Variants in MEG3 observed in about 807,000 individuals in gnomAD.
MEG3 encodes Very putative protein from MEG3 locus.
At chr14:100,844,793 C>T (rs771433145) in intron 2 of MEG3, among the ~76,000 whole-genome samples, 1 of 152,144 alleles carries the variant, frequency 6.6e-6, no homozygotes, top group Non-Finnish European at 1.5e-5. Context: ...GCCCAGCCTG[C>T]TGCCCGATTT....
At position 100,834,332 on chromosome 14, in the gene MEG3, T is replaced by C. The variant is rs1442652799; in HGVS notation, n.1364T>C. 4.6e-5 allele frequency: 11 copies of C among 239,716 alleles called. No individual in the cohort carries two copies. The East Asian group carries it at 1.2e-3, about 27-fold the overall frequency. 14.8% of individuals were successfully genotyped at this position (239,716 alleles called of 1,614,324 possible). On this transcript the variant is annotated non_coding_transcript_exon_variant, in exon 1 of 4. Coordinates refer to the MEG3 transcript ENST00000398461. ...ACTGTTAGTGCTGCAGTAGCTCCTG[T>C]GGACATTGGAAAGCCCGGAGAGGGC...
intron 2 of MEG3, among the ~76,000 whole-genome samples, chr14:100,839,177 G>A (rs1395650152): frequency 6.6e-6 from 1 of 152,196 alleles, no homozygotes; most frequent in South Asian, 2.1e-4. Flanking sequence ...AGAAGGGGGT[G>A]TGGAGGGAGA....
intron 2 of MEG3, among the ~76,000 whole-genome samples, chr14:100,844,274 C>T (rs1182185481): frequency 1.3e-5 from 2 of 152,068 alleles, no homozygotes; most frequent in Non-Finnish European, 2.9e-5. Flanking sequence ...ATCCAGGAAA[C>T]GGTCCCCAGA....
chr14:100,842,959 GAC>G (rs559684919), intron 2 of MEG3, among the ~76,000 whole-genome samples: 116 of 152,308 alleles, frequency 7.6e-4, no homozygotes, highest in South Asian at 6.0e-3. Flanking sequence ...TCCAGACAGT[GAC>G]TCATCTCTGC....
intron 2 of MEG3, among the ~76,000 whole-genome samples, chr14:100,840,393 G>T (rs946084140): frequency 6.6e-6 from 1 of 151,822 alleles, no homozygotes; most frequent in Admixed American, 6.5e-5. Context: ...AGAGGAATGT[G>T]GGGGAGCCCC....
intron 3 of MEG3, chr14:100,850,253 G>T (rs905549494): frequency 6.6e-6 from 1 of 152,198 alleles, no homozygotes; most frequent in Admixed American, 6.5e-5. Flanking sequence ...TGGTGACCGG[G>T]AGCCCTGATT....
chr14:100,850,555 C>A (rs1166061821), intron 3 of MEG3: 2 of 150,702 alleles, frequency 1.3e-5, no homozygotes, highest in Non-Finnish European at 2.9e-5. Flanking sequence ...GCCAAGATTG[C>A]ACCACTGCAC....
At chr14:100,851,181 C>G (rs2139995688) in intron 3 of MEG3, 1 of 152,440 alleles carries the variant, frequency 6.6e-6, no homozygotes. Context: ...TTGATGGTAC[C>G]CCATCTATGG....
At chr14:100,844,377 T>C (rs1489522466) in intron 2 of MEG3, among the ~76,000 whole-genome samples, 1 of 152,206 alleles carries the variant, frequency 6.6e-6, no homozygotes, top group Non-Finnish European at 1.5e-5. Flanking sequence ...GGACCTCAGC[T>C]GTCACAGGCT....
At position 100,835,368 on chromosome 14, in the gene MEG3, A is replaced by G. The variant is rs551981377; in HGVS notation, n.2400A>G. 148 of 154,018 alleles carry G rather than the reference A, an allele frequency of 9.6e-4. 1 individual carries two copies. Among genetic ancestry groups the G allele is most frequent in the Non-Finnish European group, 1.9e-3 (129 of 69,446 alleles). 9.5% of individuals were successfully genotyped at this position (154,018 alleles called of 1,614,324 possible). ...GCCTTCCTCCCCCGGGGCTTGGTCCAGCTCCTTCACTCTCTAGCAGCTGCT... is the reference window on the plus strand; with the variant it reads ...GCCTTCCTCCCCCGGGGCTTGGTCCGGCTCCTTCACTCTCTAGCAGCTGCT... On this transcript the variant is annotated non_coding_transcript_exon_variant, in exon 1 of 4. Transcript: ENST00000398461.
At chr14:100,842,988 G>T (rs1473601351) in intron 2 of MEG3, among the ~76,000 whole-genome samples, 2 of 152,136 alleles carry the variant, frequency 1.3e-5, no homozygotes, top group Non-Finnish European at 1.5e-5. Context: ...TCTGACATTT[G>T]TTAAGATTCT....
intron 2 of MEG3, among the ~76,000 whole-genome samples, chr14:100,841,918 C>T (rs966132895): frequency 1.3e-5 from 2 of 152,196 alleles, no homozygotes; most frequent in African/African-American, 4.8e-5. Context: ...TCGCCAGCGC[C>T]TCTGTTGGCA....
intron 2 of MEG3, among the ~76,000 whole-genome samples, chr14:100,838,478 G>C (rs950050682): frequency 3.3e-5 from 5 of 152,232 alleles, no homozygotes; most frequent in African/African-American, 1.2e-4. Flanking sequence ...CTCGGGAACT[G>C]CCGAAAGGCC....
At chr14:100,851,564 G>A (rs553233003) in intron 3 of MEG3, 9 of 152,322 alleles carry the variant, frequency 5.9e-5, no homozygotes, top group African/African-American at 1.7e-4. Context: ...CCTCTGGCCT[G>A]GTCTTCCATG....
At chr14:100,839,374 C>G (rs1404131070) in intron 2 of MEG3, among the ~76,000 whole-genome samples, 2 of 152,162 alleles carry the variant, frequency 1.3e-5, no homozygotes, top group Admixed American at 6.5e-5. Context: ...TCCCCTCTTC[C>G]AAAGGAGGAA....
chr14:100,858,797 A>G (rs2038317014), exon 1 of MEG3: 1 of 152,724 alleles, frequency 6.5e-6, no homozygotes, highest in Non-Finnish European at 1.5e-5. Context: ...GTTCTTGAGA[A>G]CTTGGAAGCA....
chr14:100,852,064 T>C (rs1370032049), intron 3 of MEG3: 1 of 303,592 alleles, frequency 3.3e-6, no homozygotes, highest in Non-Finnish European at 6.5e-6. Context: ...TCAGGACTTG[T>C]GGCAGGGAGC....
intron 3 of MEG3, chr14:100,847,045 A>G (rs547139188): frequency 1.3e-5 from 2 of 152,222 alleles, no homozygotes; most frequent in Admixed American, 6.5e-5. Context: ...AAAACAGACT[A>G]GAGGATGAGT....
intron 2 of MEG3, among the ~76,000 whole-genome samples, chr14:100,838,538 A>G (rs72698768): frequency 0.12 from 18,517 of 152,252 alleles, 1,417 homozygotes; most frequent in Non-Finnish European, 0.18. Flanking sequence ...TTCTATTTTG[A>G]TGGATTGGCC....
Sources: allele counts gnomAD v4.1 joint callset (sites outside exome capture counted in the v4.1 genomes callset), GRCh38; gene constraint gnomAD v4.1.1; transcripts MANE v1.5; gene names NCBI Gene and HGNC (gene_info 2026-07-23, HGNC 2026-07-21).